The following THPO variants were observed in gnomAD, a reference collection of about 807,000 sequenced individuals.
THPO encodes MPL ligand.
THPO carries 12 observed loss-of-function variants against 17.0 expected under a neutral mutation model. The ratio of observed to expected loss-of-function variants is 0.71; its 90% CI spans 0.45 to 1.14. The LOEUF is 1.14. Among genes scored for constraint, THPO ranks in the 50% most tolerant of loss-of-function variants. THPO has a pLI of 0.00. For missense variants in THPO, 365 were observed against 427.5 expected (o/e 0.85, Z 1.29); for synonymous variants, 188 against 183.0 (o/e 1.03, Z -0.22).
Position 184,372,762 on chromosome 3 carries a change from G to A in THPO, c.813C>T (p.Ala271=), listed in dbSNP as rs368937790. The change falls in exon 6 of 6, where the codon GCC becomes GCT. Residue 271 remains alanine, a synonymous_variant. Coordinates refer to ENST00000647395, the MANE Select transcript of THPO (RefSeq NM_000460.4). ...CTGATGTTCCTGAGGAAATGTCCGG[G>A]GCTCCTAGGGTCCTGCGTGAGGGTC... is the stretch of plus-strand genomic sequence containing the variant. ...FPGPSRRTLG[A]PDISSGTSDT... The A allele has an allele frequency of 6.2e-7, 1 of 1,613,966 alleles. No individual in the cohort carries two copies. Among genetic ancestry groups the A allele is most frequent in the African/African-American group, 1.3e-5 (1 of 74,900 alleles).
At chr3:184,377,790 C>T (rs1469878920) in intron 1 of THPO, among the ~76,000 whole-genome samples, 1 of 152,176 alleles carries the variant, frequency 6.6e-6, no homozygotes, top group African/African-American at 2.4e-5. Flanking sequence ...GCCCTAAGTG[C>T]AGCTCCCTCT....
At chr3:184,376,936 T>C (rs13084750) in intron 1 of THPO, among the ~76,000 whole-genome samples, 15,041 of 152,106 alleles carry the variant, frequency 0.099, 1,012 homozygotes, top group African/African-American at 0.19. Context: ...GAATCGGACA[T>C]GGATTTGGTG....
chr3:184,378,224 G>C (rs1668306870), upstream of THPO: 7 of 985,454 alleles, frequency 7.1e-6, no homozygotes, highest in Non-Finnish European at 8.4e-6. Flanking sequence ...TCAGAGAAGG[G>C]AGCCACCAGA....
intron 4 of THPO, 149 bp from the exon 5 acceptor site, chr3:184,373,731 A>G (rs1403186914): frequency 1.1e-6 from 1 of 906,260 alleles, no homozygotes; most frequent in Non-Finnish European, 1.7e-6. Context: ...ATTCCTTCAC[A>G]GTCTCCCGAC....
intron 1 of THPO, 131 bp downstream of exon 1, chr3:184,377,944 G>T (rs1714557149): frequency 2.9e-6 from 2 of 678,760 alleles, no homozygotes; most frequent in Non-Finnish European, 1.8e-6. Flanking sequence ...ATTCTGGGAA[G>T]GCTACACTCT....
intron 4 of THPO, among the ~76,000 whole-genome samples, chr3:184,374,237 TAATA>T (rs1714201966): frequency 6.6e-6 from 1 of 151,886 alleles, no homozygotes; most frequent in African/African-American, 2.4e-5. Context: ...CAAATAATAA[TAATA>T]AATAAACTAA....
rs1007288452 is a variant in THPO, at chr3:184,372,512, C to T, written c.*1G>A. The T allele has an allele frequency of 1.9e-6, 3 of 1,613,992 alleles. No individual in the cohort carries two copies. The African/African-American group carries it at 4.0e-5, about 22-fold the overall frequency. ...GCTGATGTCGGCAGTGTCTGAGAAC[C>T]TTACCCTTCCTGAGACAGATTCTGG... On this transcript the variant is annotated 3_prime_UTR_variant, in exon 6 of 6. Coordinates refer to ENST00000647395, the MANE Select transcript of THPO (RefSeq NM_000460.4).
upstream of THPO, among the ~76,000 whole-genome samples, chr3:184,379,216 G>A (rs987110501): frequency 6.6e-6 from 1 of 152,148 alleles, no homozygotes; most frequent in African/African-American, 2.4e-5. Context: ...AGGGTGCTGG[G>A]ATAGCTGGGA....
upstream of THPO, chr3:184,378,435 G>A: frequency 1.0e-6 from 1 of 975,864 alleles, no homozygotes; most frequent in South Asian, 4.7e-5. Context: ...GGACATTTGT[G>A]TTGCTGGGGA....
chr3:184,372,596 G>A lies in THPO; in HGVS notation c.979C>T (p.Pro327Ser), dbSNP rs1416120158. Residue 327 changes from proline to serine, a missense_variant, in exon 6 of 6, where the codon CCT becomes TCT. Transcript: ENST00000647395. ...VVQLHPLLPDPSAPTPTPTSP... is the reference protein window; with the variant it reads ...VVQLHPLLPDSSAPTPTPTSP... ...GTAGGGGTGGGCGTTGGAGCAGAAG[G>A]GTCAGGAAGCAGGGGGTGGAGCTGG... The A allele has an allele frequency of 6.2e-7, 1 of 1,614,088 alleles. No homozygotes were observed. The highest frequency in any genetic ancestry group is 8.5e-7 in the Non-Finnish European group (1 of 1,179,994).
upstream of THPO, among the ~76,000 whole-genome samples, chr3:184,379,569 AGG>A (rs1714821894): frequency 6.6e-6 from 1 of 152,030 alleles, no homozygotes; most frequent in Admixed American, 6.5e-5. Context: ...GGGCCCAGGC[AGG>A]GGGAGATCGG....
chr3:184,377,471 T>C (rs546174232), intron 1 of THPO, among the ~76,000 whole-genome samples: 25 of 152,264 alleles, frequency 1.6e-4, no homozygotes, highest in East Asian at 3.9e-4. Context: ...CACTAACATA[T>C]CTGTCTCATA....
intron 1 of THPO, among the ~76,000 whole-genome samples, chr3:184,377,107 A>T (rs1305196975): frequency 6.6e-6 from 1 of 151,350 alleles, no homozygotes; most frequent in Non-Finnish European, 1.5e-5. Context: ...AGAGTGGAAA[A>T]TGGGATGCAG....
At position 184,373,513 on chromosome 3, in the gene THPO, C is replaced by T. The variant is rs201796235; in HGVS notation, c.298G>A (p.Gly100Arg). 21 of 1,614,124 alleles carry T rather than the reference C, an allele frequency of 1.3e-5. No homozygotes were observed. The highest frequency in any genetic ancestry group is 1.7e-5 in the Non-Finnish European group (20 of 1,180,022). The stretch of plus-strand genomic sequence containing the variant: ...GAGAGGCAAGTGGGTCCCAGTTGTC[C>T]CCGTGCTGCCATCACTCCCTCCAGC... ...LLLEGVMAAR[G>R]QLGPTCLSSL... The change falls in exon 5 of 6, where the codon GGA becomes AGA. Residue 100 changes from glycine to arginine, a missense_variant. Coordinates refer to ENST00000647395, the MANE Select transcript of THPO (RefSeq NM_000460.4).
Position 184,372,465 on chromosome 3 carries a change from A to ACATGTACAT in THPO, c.*47_*48insATGTACATG, listed in dbSNP as rs1560281246. On this transcript the variant is annotated 3_prime_UTR_variant, in exon 6 of 6. Coordinates refer to ENST00000647395, the MANE Select transcript of THPO (RefSeq NM_000460.4). ...GTCTCCCAGGGGCGCCCTGCAGGGA[A>ACATGTACAT]GGGAGCTGTACACGAGACAATGCTG... 1 of 1,610,458 alleles carries ACATGTACAT rather than the reference A, an allele frequency of 6.2e-7. No individual in the cohort carries two copies. Among genetic ancestry groups the ACATGTACAT allele is most frequent in the South Asian group, 1.1e-5 (1 of 90,962 alleles).
Position 184,373,025 on chromosome 3 carries a change from T to C in THPO, c.550A>G (p.Ser184Gly), listed in dbSNP as rs149896952. The stretch of plus-strand genomic sequence containing the variant: ...AGTGTGAGGACTAGAGAGGTTCTGC[T>C]GGGGACAGCTGTGGTGGGTGGGGCC... ...RRAPPTTAVP[S>G]RTSLVLTLNE... Residue 184 changes from serine (S) to glycine (G), a missense_variant, in exon 6 of 6, where the codon AGC (serine) becomes GGC (glycine). Ser to Gly is a moderately conservative substitution (Grantham distance 56). Coordinates refer to ENST00000647395, the MANE Select transcript of THPO (RefSeq NM_000460.4). 1.7e-5 allele frequency: 28 copies of C among 1,613,974 alleles called. No individual in the cohort carries two copies. Among genetic ancestry groups the C allele is most frequent in the Non-Finnish European group, 2.3e-5 (27 of 1,180,018 alleles).
intron 1 of THPO, among the ~76,000 whole-genome samples, chr3:184,376,889 A>G (rs774581013): frequency 6.6e-6 from 1 of 152,160 alleles, no homozygotes; most frequent in East Asian, 1.9e-4. Flanking sequence ...AAAGCAAGAA[A>G]GCATATGGTG....
intron 2 of THPO, 50 bp from the exon 3 acceptor site, chr3:184,376,065 G>A (rs1464359411): frequency 6.2e-7 from 1 of 1,613,690 alleles, no homozygotes; most frequent in Non-Finnish European, 8.5e-7. Context: ...ATCATTGTCA[G>A]CTGGTATTCC....
In THPO at chr3:184,372,226, A is replaced by G. The variant is rs1322381159; in HGVS notation, c.*287T>C. ...CAGCCCAGGCCTTTGCAGAGTTATC[A>G]CAGAAAAAGAGCATGTAGAGAATCA... On this transcript the variant is annotated 3_prime_UTR_variant, in exon 6 of 6. Coordinates refer to ENST00000647395, the MANE Select transcript of THPO (RefSeq NM_000460.4). 26 of 410,556 alleles carry G rather than the reference A, an allele frequency of 6.3e-5. No individual in the cohort carries two copies. The East Asian group carries it at 1.0e-3, about 16-fold the overall frequency. The allele number at this position is 410,556 out of a possible 1,614,324, so 25.4% of individuals were successfully genotyped here. A position where few individuals can be genotyped will look rare whatever the true frequency, so the allele number is the denominator to read the frequency against.
Sources: gnomAD v4.1 joint callset for allele counts (sites outside exome capture counted in the v4.1 genomes callset) on GRCh38, gnomAD v4.1.1 for gene constraint, MANE v1.5 for transcripts, NCBI Gene and HGNC (gene_info 2026-07-23, HGNC 2026-07-21) for gene names.